Variants in STRN4 observed in about 807,000 individuals in gnomAD.
STRN4 encodes striatin-4.
STRN4 carries 27 observed loss-of-function variants against 77.9 expected under a neutral mutation model. That is an observed-to-expected ratio of 0.35 (90% CI 0.26 to 0.48). The LOEUF is 0.48. Ranked by LOEUF, STRN4 falls within the 20% of genes least tolerant of loss-of-function variation. The probability of loss-of-function intolerance (pLI) is 0.99; values close to 1 mark genes in which losing one functional copy is unlikely to be tolerated. For missense variants in STRN4, 798 were observed against 1,049.7 expected (o/e 0.76, Z 3.31); for synonymous variants, 466 against 443.1 (o/e 1.05, Z -0.65).
intron 16 of STRN4, 181 bp downstream of exon 16, chr19:46,721,805 G>C: frequency 1.6e-6 from 1 of 606,802 alleles, no homozygotes; most frequent in East Asian, 2.8e-5. Context: ...CAGCTCCAGT[G>C]ACCCAGAGGA....
intron 7 of STRN4, 83 bp from the exon 8 acceptor site, chr19:46,728,090 G>T: frequency 1.6e-6 from 2 of 1,248,048 alleles, no homozygotes; most frequent in Non-Finnish European, 2.3e-6. Context: ...CACACTGAGG[G>T]CCCCCTGCCA....
chr19:46,746,102 C>G, intron 1 of STRN4, 47 bp downstream of exon 1: 1 of 1,373,678 alleles, frequency 7.3e-7, no homozygotes. Flanking sequence ...TGAGGCCGGG[C>G]CGGGCCGGGC....
intron 4 of STRN4, among the ~76,000 whole-genome samples, chr19:46,734,704 G>A (rs915011403): frequency 7.9e-5 from 12 of 152,078 alleles, no homozygotes; most frequent in African/African-American, 2.9e-4. Flanking sequence ...TTGCTCTGTC[G>A]CCCAGGCTGG....
Position 46,738,653 on chromosome 19 carries a change from T to A in STRN4, c.386+132A>T. On this transcript the variant is annotated intron_variant, in intron 2 of 17. Transcript: ENST00000263280. The surrounding 1 kb of genome is among the most constrained non-coding windows in gnomAD (Gnocchi z 4.5). ...GTCCTGTTTCTCCCCTAGAATCTTATGGTACTGGAATGATGGAAAAGAATG... is the reference window on the plus strand; with the variant it reads ...GTCCTGTTTCTCCCCTAGAATCTTAAGGTACTGGAATGATGGAAAAGAATG... 2.4e-6 allele frequency: 2 copies of A among 841,212 alleles called. No homozygotes were observed. Among genetic ancestry groups the A allele is most frequent in the Non-Finnish European group, 3.9e-6 (2 of 510,258 alleles). The allele number at this position is 841,212 out of a possible 1,614,324, so 52.1% of individuals were successfully genotyped here.
Position 46,733,906 on chromosome 19 carries a change from A to T in STRN4, c.540-670T>A, listed in dbSNP as rs1420537375. Reference sequence around the variant, plus strand: ...AGTAAAAAAAGAAGAAGGAAAAAAGAACAAAAATCAATTTGGGGTATCTGT... The same window carrying T: ...AGTAAAAAAAGAAGAAGGAAAAAAGTACAAAAATCAATTTGGGGTATCTGT... On this transcript the variant is annotated intron_variant, in intron 4 of 17. Transcript: ENST00000263280. The surrounding 1 kb of genome is among the most constrained non-coding windows in gnomAD (Gnocchi z 4.3). The T allele has an allele frequency of 1.3e-5, 2 of 152,250 alleles. No homozygotes were observed. The highest frequency in any genetic ancestry group is 2.9e-5 in the Non-Finnish European group (2 of 68,052). 9.4% of individuals were successfully genotyped at this position (152,250 alleles called of 1,614,324 possible).
At chr19:46,724,155 C>T (rs762264389) in intron 12 of STRN4, among the ~76,000 whole-genome samples, 2 of 147,512 alleles carry the variant, frequency 1.4e-5, no homozygotes, top group African/African-American at 2.5e-5. Flanking sequence ...GGCTGAGGCA[C>T]GAGAATCACT....
chr19:46,722,908 G>A lies in STRN4; in HGVS notation c.1808C>T (p.Pro603Leu). The change falls in exon 14 of 18, where the codon CCT becomes CTT. Residue 603 changes from proline (P) to leucine (L), a missense_variant. By Grantham distance (98) the Pro-to-Leu change is moderately conservative (BLOSUM62 -3). Coordinates refer to ENST00000263280, the MANE Select transcript of STRN4 (RefSeq NM_013403.3). ...GCGGAAGGAGGCCACGATGTGGGCA[G>A]GCTCGGTGCTGGTGAAGGCCACTGA... ...PTSVAFTSTE[P>L]AHIVASFRSG... The A allele has an allele frequency of 3.1e-6, 5 of 1,614,020 alleles. No individual in the cohort carries two copies. The highest frequency in any genetic ancestry group is 4.2e-6 in the Non-Finnish European group (5 of 1,180,042).
rs1490609475 is a variant in STRN4, at chr19:46,723,118, G to A, written c.1761C>T (p.Ala587=). ...SPACLCTFPT[A]SEHGVPTSVA... ...GGCACCGGGGCCCCCACTCACCGCTGGCTGTGGGGAAGGTGCAGAGGCAGG... is the reference window on the plus strand; with the variant it reads ...GGCACCGGGGCCCCCACTCACCGCTAGCTGTGGGGAAGGTGCAGAGGCAGG... The change falls in exon 13 of 18, where the codon GCC becomes GCT. Residue 587 remains alanine, a synonymous_variant. Transcript: ENST00000263280. This position sits in a 1 kb window ranked among gnomAD's most constrained non-coding sequence, Gnocchi z 5.5. 8.9e-6 allele frequency: 14 copies of A among 1,564,992 alleles called. No individual in the cohort carries two copies. The highest frequency in any genetic ancestry group is 1.1e-5 in the Non-Finnish European group (13 of 1,155,302).
At chr19:46,730,973 C>G in intron 5 of STRN4, 100 bp from the exon 6 acceptor site, 1 of 1,531,772 alleles carries the variant, frequency 6.5e-7, no homozygotes, top group Non-Finnish European at 8.8e-7. Flanking sequence ...AGCCCAGACC[C>G]AGCTAACCCC....
chr19:46,726,279 G>C (rs1272990244), intron 9 of STRN4: 1 of 152,984 alleles, frequency 6.5e-6, no homozygotes, highest in Non-Finnish European at 1.5e-5. Flanking sequence ...AGGAGCCGGG[G>C]AAGTGTTTAG....
rs762858268 is a variant in STRN4 at position 46,728,633 on chromosome 19, T to C, written c.1024A>G (p.Ser342Gly). The change falls in exon 7 of 18, where the codon AGC becomes GGC. Residue 342 changes from serine to glycine, a missense_variant. Around this residue, in one of 2 missense-constraint regions of STRN4, gnomAD observed 511 missense variants for 575.9 expected, o/e 0.89. Transcript: ENST00000263280. ...GTCAGCTCACCCAGCTCATGGGGGC[T>C]CCCATCCACAGTGCACCGCCGAGGG... ...PDPRRCTVDG[S>G]PHELESRRVK... 6 of 1,612,986 alleles carry C rather than the reference T, an allele frequency of 3.7e-6. No homozygotes were observed. Among genetic ancestry groups the C allele is most frequent in the Non-Finnish European group, 5.1e-6 (6 of 1,179,474 alleles).
chr19:46,722,203 C>T (rs1341042285), intron 15 of STRN4, 39 bp downstream of exon 15: 5 of 1,605,616 alleles, frequency 3.1e-6, no homozygotes, highest in Non-Finnish European at 4.3e-6. Flanking sequence ...TGCCTCTGGC[C>T]CTCCCCACCC....
chr19:46,724,134 G>A (rs1343474012), intron 12 of STRN4, among the ~76,000 whole-genome samples: 1 of 151,698 alleles, frequency 6.6e-6, no homozygotes, highest in Non-Finnish European at 1.5e-5. Flanking sequence ...TGTAATCCCA[G>A]CTACTCGGGA....
chr19:46,730,217 G>A (rs912694626), intron 6 of STRN4, among the ~76,000 whole-genome samples: 1 of 152,178 alleles, frequency 6.6e-6, no homozygotes, highest in Non-Finnish European at 1.5e-5. Context: ...CTCTACTTGG[G>A]GTGCGACTCT....
In STRN4 at chr19:46,721,844, T is replaced by C. The variant is rs146598619; in HGVS notation, c.2092+142A>G. On this transcript the variant is annotated intron_variant, in intron 16 of 17. Coordinates refer to ENST00000263280, the MANE Select transcript of STRN4 (RefSeq NM_013403.3). ...CCCCAGCGGACTGTGCTGCCCCCTA[T>C]GGTCACCACGGTCATTCCCGCCCAG... is the stretch of plus-strand genomic sequence containing the variant. 437 of 816,482 alleles carry C rather than the reference T, an allele frequency of 5.4e-4. 2 individuals are homozygous for C. In the African/African-American group the frequency reaches 6.1e-3, roughly 11 times the overall value. The allele number at this position is 816,482 out of a possible 1,614,324, so 50.6% of individuals were successfully genotyped here.
chr19:46,742,633 G>A (rs916887103), intron 1 of STRN4, among the ~76,000 whole-genome samples: 1 of 152,026 alleles, frequency 6.6e-6, no homozygotes, highest in Non-Finnish European at 1.5e-5. Context: ...TGTGATCTCG[G>A]CTCACTGCAA....
intron 3 of STRN4, among the ~76,000 whole-genome samples, 196 bp downstream of exon 3, chr19:46,737,968 C>T (rs1599889985): frequency 6.6e-6 from 1 of 152,086 alleles, no homozygotes; most frequent in East Asian, 1.9e-4. Context: ...GCGGGACTGG[C>T]CCCCAGGGTC....
intron 8 of STRN4, 88 bp downstream of exon 8, chr19:46,727,806 T>A: frequency 1.6e-6 from 2 of 1,253,544 alleles, no homozygotes; most frequent in Non-Finnish European, 2.2e-6. Context: ...GCCTCGACCC[T>A]GAAGACACAG....
At position 46,736,858 on chromosome 19, in the gene STRN4, C is replaced by T. The variant is rs1350501496; in HGVS notation, c.504G>A (p.Pro168=). The change falls in exon 4 of 18, where the codon CCG becomes CCA. Residue 168 remains proline, a synonymous_variant. Coordinates refer to ENST00000263280, the MANE Select transcript of STRN4 (RefSeq NM_013403.3). ...GCTGCCGCCCCTCCTTCCACACCAA[C>T]GGGCTGTTCTCCAGGGTGACCGATT... is the stretch of plus-strand genomic sequence containing the variant. ...PVESVTLENS[P]LVWKEGRQLL... 6 of 1,613,102 alleles carry T rather than the reference C, an allele frequency of 3.7e-6. No individual in the cohort carries two copies. The highest frequency in any genetic ancestry group is 1.3e-5 in the African/African-American group (1 of 74,858).
Sources: gnomAD v4.1 joint callset for allele counts (sites outside exome capture counted in the v4.1 genomes callset) on GRCh38, gnomAD v4.1.1 for gene constraint, gnomAD v4.1.1 regional missense constraint, Gnocchi (gnomAD v3.1) non-coding constraint, MANE v1.5 for transcripts, NCBI Gene and HGNC (gene_info 2026-07-23, HGNC 2026-07-21) for gene names.